Variants in UACA observed in about 807,000 individuals in gnomAD.
UACA encodes uveal autoantigen with coiled-coil domains and ankyrin repeats.
UACA carries 112 observed loss-of-function variants against 160.5 expected under a neutral mutation model. That is an observed-to-expected ratio of 0.70 (90% CI 0.60 to 0.82). UACA has a LOEUF of 0.82. Ranked by LOEUF, UACA falls within the 40% of genes least tolerant of loss-of-function variation. The pLI, the probability that UACA is intolerant of heterozygous loss-of-function variation, is 0.00. For missense variants in UACA, 1,574 were observed against 1,614.6 expected (o/e 0.97, Z 0.43); for synonymous variants, 557 against 568.4 (o/e 0.98, Z 0.29).
At chr15:70,699,051 C>T (rs954388301) in intron 2 of UACA, among the ~76,000 whole-genome samples, 3 of 152,126 alleles carry the variant, frequency 2.0e-5, no homozygotes, top group African/African-American at 7.2e-5. Context: ...AAGTGAATTA[C>T]CCAAGTATAA....
At chr15:70,745,326 T>C (rs889741313) in intron 1 of UACA, among the ~76,000 whole-genome samples, 3 of 151,714 alleles carry the variant, frequency 2.0e-5, no homozygotes, top group African/African-American at 4.8e-5. Flanking sequence ...TCCCAGCTAC[T>C]TGGGAGGCTG....
chr15:70,773,058 A>G, the UACA span, among the ~76,000 whole-genome samples: 1 of 151,910 alleles, frequency 6.6e-6, no homozygotes, highest in African/African-American at 2.4e-5. Flanking sequence ...AAAAAAAAAA[A>G]GAAAAGAAAG....
intron 1 of UACA, among the ~76,000 whole-genome samples, chr15:70,723,161 T>C (rs1325344580): frequency 6.6e-6 from 1 of 152,188 alleles, no homozygotes; most frequent in South Asian, 2.1e-4. Flanking sequence ...TTAGGGTTAA[T>C]ATATGTGTAC....
intron 13 of UACA, 95 bp downstream of exon 13, chr15:70,676,398 T>C (rs1897304171): frequency 9.2e-6 from 9 of 978,770 alleles, no homozygotes; most frequent in Non-Finnish European, 1.4e-5. Flanking sequence ...GGTCACACTA[T>C]AAATAAGAGA....
At chr15:70,670,910 T>C (rs1289849019) in intron 15 of UACA, 129 bp downstream of exon 15, 1 of 440,354 alleles carries the variant, frequency 2.3e-6, no homozygotes, top group Non-Finnish European at 4.0e-6. Context: ...GACCAACTTG[T>C]CTTTGATAAT....
the UACA span, among the ~76,000 whole-genome samples, chr15:70,776,783 C>T: frequency 2.7e-5 from 4 of 147,080 alleles, no homozygotes; most frequent in East Asian, 3.9e-4. Flanking sequence ...CCATCCCTGC[C>T]GCTTCTGAGT....
intron 1 of UACA, among the ~76,000 whole-genome samples, chr15:70,762,294 T>C (rs1281887083): frequency 1.3e-5 from 2 of 152,252 alleles, no homozygotes; most frequent in African/African-American, 2.4e-5. Context: ...ATTAGTATTC[T>C]GATAAAAAGA....
intron 1 of UACA, among the ~76,000 whole-genome samples, chr15:70,744,276 A>G (rs1012167154): frequency 2.0e-5 from 3 of 151,144 alleles, no homozygotes; most frequent in African/African-American, 7.3e-5. Flanking sequence ...AAAGAAAGAA[A>G]AACTAGGATG....
intron 1 of UACA, among the ~76,000 whole-genome samples, chr15:70,723,683 A>C (rs1899060368): frequency 6.9e-6 from 1 of 143,940 alleles, no homozygotes; most frequent in South Asian, 2.2e-4. Flanking sequence ...CCCAGGCTGG[A>C]GTCCAGTGGC....
rs1383257594 is a variant in UACA at position 70,728,093 on chromosome 15, C to CT, written c.79-28434dup. On this transcript the variant is annotated intron_variant, in intron 1 of 18. Coordinates refer to ENST00000322954, the MANE Select transcript of UACA (RefSeq NM_018003.4). ...AGCCACACTCCTATAAACATCTGAT[C>CT]TTTGACAAGGCTGACAAAAATAAGC... Among the ~76,000 whole-genome samples, 5 of 152,304 alleles carry CT rather than the reference C, an allele frequency of 3.3e-5. No homozygotes were observed. In the East Asian group the frequency reaches 9.7e-4, roughly 29 times the overall value.
At chr15:70,706,159 A>C (rs1308887157) in intron 1 of UACA, among the ~76,000 whole-genome samples, 2 of 152,160 alleles carry the variant, frequency 1.3e-5, no homozygotes, top group East Asian at 3.9e-4. Flanking sequence ...ACCTTAATAG[A>C]ATAAAGGACA....
intron 1 of UACA, among the ~76,000 whole-genome samples, chr15:70,711,381 G>T (rs775189271): frequency 4.0e-5 from 6 of 151,762 alleles, no homozygotes; most frequent in Admixed American, 6.6e-5. Context: ...TAAAAATTAG[G>T]CCGGGCACGG....
intron 13 of UACA, among the ~76,000 whole-genome samples, chr15:70,674,879 G>A (rs775490308): frequency 3.3e-5 from 5 of 152,166 alleles, no homozygotes; most frequent in Non-Finnish European, 5.9e-5. Flanking sequence ...GATTACAGGC[G>A]TGAGACACTG....
Position 70,664,809 on chromosome 15 carries a change from A to T in UACA, c.3966T>A (p.Thr1322=). The T allele has an allele frequency of 6.2e-7, 1 of 1,609,306 alleles. No homozygotes were observed. Among genetic ancestry groups the T allele is most frequent in the Non-Finnish European group, 8.5e-7 (1 of 1,178,322 alleles). The change falls in exon 17 of 19, where the codon ACT becomes ACA. Residue 1322 remains threonine (T), a synonymous_variant. Transcript: ENST00000322954. ...KQIEAKDNKI[T]ELLNDVERLK... ...ATCTTTCCACATCATTAAGCAGTTCAGTTATCTTTAAAAAAATGTTGTAGG... is the reference window on the plus strand; with the variant it reads ...ATCTTTCCACATCATTAAGCAGTTCTGTTATCTTTAAAAAAATGTTGTAGG...
At position 70,670,306 on chromosome 15, in the gene UACA, G is replaced by T. The variant is rs1050670129; in HGVS notation, c.1221+733C>A. ...ACTACACATGTGGCCCCTCCTAAGT[G>T]CTGACAGGCCACTATGCATGCAGAT... On this transcript the variant is annotated intron_variant, in intron 15 of 18. Transcript: ENST00000322954. Among the ~76,000 whole-genome samples the T allele has an allele frequency of 3.3e-5, 5 of 152,248 alleles. 1 individual carries two copies. The South Asian group carries it at 8.3e-4, about 25-fold the overall frequency.
chr15:70,683,618 A>G (rs1406185383), intron 8 of UACA, among the ~76,000 whole-genome samples: 1 of 152,208 alleles, frequency 6.6e-6, no homozygotes, highest in Non-Finnish European at 1.5e-5. Context: ...ACTTAAATAA[A>G]TGGAATCTCA....
In UACA at chr15:70,664,672, T is replaced by C. The variant is rs933684841; in HGVS notation, c.4103A>G (p.Gln1368Arg). The change falls in exon 17 of 19, where the codon CAA becomes CGA. Residue 1368 changes from glutamine (Q) to arginine (R), a missense_variant. Coordinates refer to ENST00000322954, the MANE Select transcript of UACA (RefSeq NM_018003.4). ...TGCCTGGTTACTCACGGCCAGCTGT[T>C]GCTCCAGAGATTTCACTTGGTGCTG... Reference protein sequence around the residue: ...TLQHQVKSLEQQLADADRQHQ... With the variant: ...TLQHQVKSLERQLADADRQHQ... 1 of 1,610,032 alleles carries C rather than the reference T, an allele frequency of 6.2e-7. No homozygotes were observed. The highest frequency in any genetic ancestry group is 8.5e-7 in the Non-Finnish European group (1 of 1,178,272).
intron 1 of UACA, among the ~76,000 whole-genome samples, chr15:70,752,108 C>T (rs1157813804): frequency 6.6e-6 from 1 of 151,772 alleles, no homozygotes; most frequent in East Asian, 1.9e-4. Flanking sequence ...TGTGGTGGCG[C>T]GTGCCCATAA....
chr15:70,755,118 C>T (rs191821002), intron 1 of UACA, among the ~76,000 whole-genome samples: 69 of 152,230 alleles, frequency 4.5e-4, no homozygotes, highest in South Asian at 4.1e-4. Context: ...TGAAACAATA[C>T]ATGTTATAAC....
Sources: allele counts gnomAD v4.1 joint callset (sites outside exome capture counted in the v4.1 genomes callset), GRCh38; gene constraint gnomAD v4.1.1; transcripts MANE v1.5; gene names NCBI Gene and HGNC (gene_info 2026-07-23, HGNC 2026-07-21).